PRR16: variants seen among roughly 807,000 people sequenced by gnomAD.
PRR16 encodes the protein protein Largen.
In PRR16, 6 loss-of-function variants were observed where a neutral mutation model predicts 18.2. That is an observed-to-expected ratio of 0.33 (90% CI 0.18 to 0.65). The LOEUF (loss-of-function observed/expected upper bound fraction) is 0.65. Ranked by LOEUF, PRR16 falls within the 30% of genes least tolerant of loss-of-function variation. PRR16 has a pLI of 0.74. For synonymous variants in PRR16, 151 were observed against 147.8 expected, an observed-to-expected ratio of 1.02 and a Z score of -0.16; for missense variants, 412 against 376.6, an observed-to-expected ratio of 1.09 and a Z score of -0.78.
At chr5:120,695,986 TA>T in the PRR16 span, among the ~76,000 whole-genome samples, 10 of 152,070 alleles carry the variant, frequency 6.6e-5, no homozygotes, top group Non-Finnish European at 1.5e-4. Flanking sequence ...CTCATGCCTG[TA>T]ACCCCAGCAC....
intron 1 of PRR16, among the ~76,000 whole-genome samples, chr5:120,541,844 T>G (rs1751926407): frequency 6.6e-6 from 1 of 152,258 alleles, no homozygotes; most frequent in African/African-American, 2.4e-5. Flanking sequence ...AAAAGACATT[T>G]CCTCCAGGAT....
the PRR16 span, among the ~76,000 whole-genome samples, chr5:120,772,851 G>A: frequency 2.0e-5 from 3 of 151,926 alleles, no homozygotes; most frequent in Non-Finnish European, 4.4e-5. Context: ...ATCCCTTCAA[G>A]CCATATACAG....
At chr5:120,725,775 G>A in the PRR16 span, among the ~76,000 whole-genome samples, 1 of 152,016 alleles carries the variant, frequency 6.6e-6, no homozygotes. Context: ...TCTTCTGAGA[G>A]CTTAGGGTCC....
intron 1 of PRR16, among the ~76,000 whole-genome samples, chr5:120,480,397 C>T (rs1463961883): frequency 1.3e-5 from 2 of 152,170 alleles, no homozygotes; most frequent in East Asian, 1.9e-4. Flanking sequence ...GTGAGTACTG[C>T]GTTAGCCAAT....
intron 1 of PRR16, among the ~76,000 whole-genome samples, chr5:120,654,174 T>C (rs2150133732): frequency 6.6e-6 from 1 of 152,162 alleles, no homozygotes; most frequent in Non-Finnish European, 1.5e-5. Flanking sequence ...CCTTTTTTGC[T>C]GCTTGGAATG....
chr5:120,766,011 G>T, the PRR16 span, among the ~76,000 whole-genome samples: 1 of 151,930 alleles, frequency 6.6e-6, no homozygotes, highest in Non-Finnish European at 1.5e-5. Context: ...AGTGTTTATA[G>T]GTATAGTTAA....
At chr5:120,694,411 G>A in the PRR16 span, among the ~76,000 whole-genome samples, 9 of 152,198 alleles carry the variant, frequency 5.9e-5, no homozygotes, top group African/African-American at 1.7e-4. Flanking sequence ...CTGGCCGGGC[G>A]CGGTGGCTCA....
intron 1 of PRR16, among the ~76,000 whole-genome samples, chr5:120,474,681 T>C (rs552358502): frequency 6.6e-6 from 1 of 152,274 alleles, no homozygotes; most frequent in East Asian, 1.9e-4. Context: ...AAAATATGCC[T>C]TCCAATTTCC....
the PRR16 span, among the ~76,000 whole-genome samples, chr5:120,736,613 C>G: frequency 4.8e-5 from 2 of 41,514 alleles, no homozygotes; most frequent in African/African-American, 1.9e-4. Flanking sequence ...GAGTTTTTTT[C>G]TATTTCTGCA....
At chr5:120,497,847 C>G (rs962416908) in intron 1 of PRR16, among the ~76,000 whole-genome samples, 1 of 151,290 alleles carries the variant, frequency 6.6e-6, no homozygotes, top group African/African-American at 2.4e-5. Flanking sequence ...TTTACCTGCT[C>G]TAATATTAAT....
At chr5:120,654,852 A>C (rs981521554) in intron 1 of PRR16, among the ~76,000 whole-genome samples, 2 of 151,932 alleles carry the variant, frequency 1.3e-5, no homozygotes, top group East Asian at 1.9e-4. Flanking sequence ...AGGGAAAAAA[A>C]GATAAAAACA....
intron 1 of PRR16, among the ~76,000 whole-genome samples, chr5:120,501,529 CAT>C (rs921670371): frequency 1.3e-5 from 2 of 152,102 alleles, no homozygotes; most frequent in African/African-American, 4.8e-5. Flanking sequence ...TCTTAGGGAA[CAT>C]CTTTTATAAA....
At chr5:120,788,686 C>A in the PRR16 span, among the ~76,000 whole-genome samples, 2 of 152,192 alleles carry the variant, frequency 1.3e-5, no homozygotes, top group Non-Finnish European at 2.9e-5. Flanking sequence ...TAAGTTCTTG[C>A]ATCTTCTTAA....
intron 1 of PRR16, among the ~76,000 whole-genome samples, chr5:120,487,687 GA>G (rs1749860835): frequency 6.6e-6 from 1 of 152,244 alleles, no homozygotes; most frequent in African/African-American, 2.4e-5. Context: ...ACACTATGTT[GA>G]ATAGGAGTGG....
chr5:120,739,497 A>G, the PRR16 span, among the ~76,000 whole-genome samples: 1 of 152,176 alleles, frequency 6.6e-6, no homozygotes, highest in East Asian at 1.9e-4. Flanking sequence ...TGAGCTGTGC[A>G]TATAAAAATC....
chr5:120,783,298 CTT>C, the PRR16 span, among the ~76,000 whole-genome samples: 3 of 152,108 alleles, frequency 2.0e-5, no homozygotes, highest in African/African-American at 4.8e-5. Flanking sequence ...TTTAATCAGA[CTT>C]AAAGATTACA....
At chr5:120,736,123 C>G in the PRR16 span, among the ~76,000 whole-genome samples, 1 of 152,158 alleles carries the variant, frequency 6.6e-6, no homozygotes, top group African/African-American at 2.4e-5. Flanking sequence ...GATCATTTGA[C>G]CACACACGCA....
At chr5:120,770,926 A>ACTCTCTCTCTCTCTCTCTCTCT in the PRR16 span, among the ~76,000 whole-genome samples, 99 of 131,304 alleles carry the variant, frequency 7.5e-4, no homozygotes, top group African/African-American at 2.6e-3. Context: ...TCATTGGAAC[A>ACTCTCTCTCTCTCTCTCTCTCT]CTCTCTCTCT....
the PRR16 span, among the ~76,000 whole-genome samples, chr5:120,780,946 A>G: frequency 1.3e-5 from 2 of 152,132 alleles, no homozygotes; most frequent in Non-Finnish European, 2.9e-5. Flanking sequence ...GCTACTTGGG[A>G]GGCTGAGGCA....
Sources: gnomAD v4.1 joint callset for allele counts (sites outside exome capture counted in the v4.1 genomes callset) on GRCh38, gnomAD v4.1.1 for gene constraint, MANE v1.5 for transcripts, NCBI Gene and HGNC (gene_info 2026-07-23, HGNC 2026-07-21) for gene names.